PARPBP: variants seen among roughly 807,000 people sequenced by gnomAD.
PARPBP encodes the protein PARP1 binding protein.
A neutral mutation model predicts 50.0 loss-of-function variants in PARPBP; 52 were observed. The ratio of observed to expected loss-of-function variants is 1.04; its 90% CI spans 0.83 to 1.31. The LOEUF is 1.31. Among genes scored for constraint, PARPBP ranks in the 50% most tolerant of loss-of-function variants. The pLI is 0.00. For synonymous variants in PARPBP, 244 were observed against 232.1 expected (o/e 1.05, Z -0.47); for missense variants, 697 against 672.0 (o/e 1.04, Z -0.41).
At chr12:102,172,764 T>G (rs1888878136) in intron 6 of PARPBP, among the ~76,000 whole-genome samples, 1 of 152,236 alleles carries the variant, frequency 6.6e-6, no homozygotes, top group South Asian at 2.1e-4. Context: ...AGCATTTTTT[T>G]TGTTCTTATA....
chr12:102,159,567 A>G (rs2139362273), intron 4 of PARPBP, among the ~76,000 whole-genome samples: 1 of 152,362 alleles, frequency 6.6e-6, no homozygotes, highest in South Asian at 2.1e-4. Flanking sequence ...TTGAGAAACA[A>G]TATTTTTGTT....
At chr12:102,173,643 A>G (rs573954358) in intron 6 of PARPBP, among the ~76,000 whole-genome samples, 2 of 152,140 alleles carry the variant, frequency 1.3e-5, no homozygotes, top group South Asian at 2.1e-4. Flanking sequence ...GAATAAATCT[A>G]GTAAAAACCA....
intron 3 of PARPBP, 71 bp from the exon 4 acceptor site, chr12:102,153,798 T>C: frequency 1.2e-6 from 1 of 805,340 alleles, no homozygotes; most frequent in South Asian, 1.5e-5. Flanking sequence ...TGACACTGAG[T>C]AGAGCTTTAT....
At chr12:102,178,532 A>T in intron 7 of PARPBP, 60 bp from the exon 8 acceptor site, 1 of 973,320 alleles carries the variant, frequency 1.0e-6, no homozygotes, top group Non-Finnish European at 1.5e-6. Context: ...ATTTAAAAGT[A>T]TGGCCATTCA....
At chr12:102,153,326 G>A (rs1436706979) in intron 3 of PARPBP, among the ~76,000 whole-genome samples, 1 of 152,150 alleles carries the variant, frequency 6.6e-6, no homozygotes, top group South Asian at 2.1e-4. Context: ...TGTCTCCCAC[G>A]TGGCATGGCC....
rs367624291 is a variant in PARPBP at position 102,169,297 on chromosome 12, G to T, written c.821+3414G>T. On this transcript the variant is annotated intron_variant, in intron 6 of 10. Coordinates refer to ENST00000327680, the MANE Select transcript of PARPBP (RefSeq NM_017915.5). The stretch of plus-strand genomic sequence containing the variant: ...CACCTACCTCTTCTACTACATATAT[G>T]CAAATTCTTCTAAATCTATATTTCA... 1.1e-4 allele frequency among the ~76,000 whole-genome samples: 17 copies of T among 152,148 alleles called. 1 individual carries two copies. The highest frequency in any genetic ancestry group is 2.0e-4 in the Admixed American group (3 of 15,274).
At position 102,175,489 on chromosome 12, in the gene PARPBP, A is replaced by C; in HGVS notation, c.828A>C (p.Ala276=). Reference sequence around the variant, plus strand: ...ATCTAATTTCTATTTTCAGCATTGCAGGGGGTCAAATACTGTCAGTGATAA... The same window carrying C: ...ATCTAATTTCTATTTTCAGCATTGCCGGGGGTCAAATACTGTCAGTGATAA... The part of the protein sequence containing the change: ...ILGEIPNPSI[A]GGQILSVIKM... Residue 276 remains alanine (A), a synonymous_variant, in exon 7 of 11, where the codon GCA becomes GCC. Coordinates refer to ENST00000327680, the MANE Select transcript of PARPBP (RefSeq NM_017915.5). 6 of 1,610,488 alleles carry C rather than the reference A, an allele frequency of 3.7e-6. No individual in the cohort carries two copies. Among genetic ancestry groups the C allele is most frequent in the Non-Finnish European group, 5.1e-6 (6 of 1,177,342 alleles).
intron 2 of PARPBP, among the ~76,000 whole-genome samples, chr12:102,131,411 C>T (rs1344251052): frequency 2.7e-4 from 41 of 152,254 alleles, no homozygotes; most frequent in Non-Finnish European, 1.5e-5. Flanking sequence ...TTAGTTCAAC[C>T]ATTGTGTAAA....
chr12:102,133,727 A>G (rs1372600508), intron 2 of PARPBP, among the ~76,000 whole-genome samples: 4 of 152,234 alleles, frequency 2.6e-5, no homozygotes, highest in African/African-American at 9.6e-5. Context: ...GTCAAGATAG[A>G]TCATATGTTA....
At chr12:102,125,356 A>G (rs1226552688) in intron 2 of PARPBP, among the ~76,000 whole-genome samples, 1 of 152,200 alleles carries the variant, frequency 6.6e-6, no homozygotes, top group Non-Finnish European at 1.5e-5. Flanking sequence ...ACATGCGACT[A>G]AGGAATATGC....
At chr12:102,135,080 G>C (rs1883417922) in intron 2 of PARPBP, among the ~76,000 whole-genome samples, 1 of 152,006 alleles carries the variant, frequency 6.6e-6, no homozygotes, top group South Asian at 2.1e-4. Context: ...CACCCTTTTA[G>C]GGTTTTTGGC....
At chr12:102,165,958 G>T (rs1888100014) in intron 6 of PARPBP, 75 bp downstream of exon 6, 3 of 980,258 alleles carry the variant, frequency 3.1e-6, no homozygotes, top group Non-Finnish European at 4.6e-6. Context: ...TAGAAATAAG[G>T]GATATTGAAA....
chr12:102,146,986 A>G, intron 2 of PARPBP, among the ~76,000 whole-genome samples: 1 of 152,148 alleles, frequency 6.6e-6, no homozygotes. Flanking sequence ...GTCACTGGCC[A>G]TCAGAGAAAT....
intron 2 of PARPBP, among the ~76,000 whole-genome samples, chr12:102,143,518 G>A (rs1016189533): frequency 5.9e-5 from 9 of 152,262 alleles, no homozygotes; most frequent in South Asian, 2.1e-4. Context: ...AGATGAACCC[G>A]GTACCTCAGT....
chr12:102,196,928 A>T lies in PARPBP; in HGVS notation c.*637A>T. The T allele has an allele frequency of 6.8e-7, 1 of 1,471,086 alleles. No individual in the cohort carries two copies. The highest frequency in any genetic ancestry group is 9.5e-7 in the Non-Finnish European group (1 of 1,054,614). 91.1% of individuals were successfully genotyped at this position (1,471,086 alleles called of 1,614,324 possible). ...TTCACTTTAACTCAGAGTTCTGTTT[A>T]ATGGTGGTAGGATGTAAGAATTGAA... is the stretch of plus-strand genomic sequence containing the variant. On this transcript the variant is annotated 3_prime_UTR_variant, in exon 11 of 11. Transcript: ENST00000327680.
At chr12:102,153,108 G>A (rs995189686) in intron 3 of PARPBP, among the ~76,000 whole-genome samples, 1 of 152,064 alleles carries the variant, frequency 6.6e-6, no homozygotes, top group African/African-American at 2.4e-5. Flanking sequence ...TATCTTTTCA[G>A]GTTCTTTGCA....
chr12:102,182,045 T>C (rs1174833139), intron 8 of PARPBP, among the ~76,000 whole-genome samples: 4 of 152,160 alleles, frequency 2.6e-5, no homozygotes, highest in African/African-American at 7.2e-5. Flanking sequence ...CCCCAACTTA[T>C]GATGGTTTGA....
In PARPBP at chr12:102,127,457, T is replaced by A. The variant is rs552549148; in HGVS notation, c.153+3416T>A. 3.7e-3 allele frequency among the ~76,000 whole-genome samples: 566 copies of A among 152,292 alleles called. 4 individuals carry two copies. Among genetic ancestry groups the A allele is most frequent in the African/African-American group, 0.013 (531 of 41,568 alleles). On this transcript the variant is annotated intron_variant, in intron 2 of 10. Coordinates refer to ENST00000327680, the MANE Select transcript of PARPBP (RefSeq NM_017915.5). Reference sequence around the variant, plus strand: ...TCAATGGAAGAGAGTGCCATTTTTTTATCCCTCTTTCCATATTAGATGTCA... The same window carrying A: ...TCAATGGAAGAGAGTGCCATTTTTTAATCCCTCTTTCCATATTAGATGTCA...
intron 4 of PARPBP, among the ~76,000 whole-genome samples, chr12:102,164,002 A>T (rs928922305): frequency 6.6e-6 from 1 of 151,856 alleles, no homozygotes; most frequent in Non-Finnish European, 1.5e-5. Flanking sequence ...TTGTTTATTG[A>T]TTTTTGGATG....
Sources: gnomAD v4.1 joint callset for allele counts (sites outside exome capture counted in the v4.1 genomes callset) on GRCh38, gnomAD v4.1.1 for gene constraint, MANE v1.5 for transcripts, NCBI Gene and HGNC (gene_info 2026-07-23, HGNC 2026-07-21) for gene names.